ZMYM2: variants seen among roughly 807,000 people sequenced by gnomAD.
ZMYM2 encodes zinc finger MYM-type protein 2.
ZMYM2 carries 56 observed loss-of-function variants against 162.8 expected under a neutral mutation model. The ratio of observed to expected loss-of-function variants is 0.34; its 90% CI spans 0.28 to 0.43. ZMYM2 has a LOEUF of 0.43. ZMYM2 is among the 20% of genes least tolerant of loss of function. ZMYM2 has a pLI of 1.00. For synonymous variants in ZMYM2, 510 were observed against 541.6 expected (o/e 0.94, Z 0.81); for missense variants, 1,275 against 1,621.8 (o/e 0.79, Z 3.67).
chr13:19,959,682 C>T (rs867543038), intron 1 of ZMYM2, among the ~76,000 whole-genome samples: 10 of 152,116 alleles, frequency 6.6e-5, no homozygotes, highest in Non-Finnish European at 1.3e-4. Context: ...TTTTCCCTTC[C>T]CCCCTCCCTT....
the ZMYM2 span, among the ~76,000 whole-genome samples, chr13:19,942,265 G>C: frequency 6.6e-6 from 1 of 150,908 alleles, no homozygotes; most frequent in Non-Finnish European, 1.5e-5. Context: ...TAATATAGTA[G>C]GATGATCACT....
chr13:20,085,521 T>C (rs166323), intron 24 of ZMYM2, among the ~76,000 whole-genome samples: 2,513 of 152,328 alleles, frequency 0.016, 72 homozygotes, highest in African/African-American at 0.058. Flanking sequence ...TTTAAATTGT[T>C]GCATCTTGAA....
chr13:19,910,532 C>CTT, the ZMYM2 span, among the ~76,000 whole-genome samples: 87 of 143,848 alleles, frequency 6.0e-4, 7 homozygotes, highest in Non-Finnish European at 7.5e-4. Flanking sequence ...TTCTCTCTCT[C>CTT]TCTTTTTTTT....
chr13:19,996,072 C>CTGTG (rs112489110), intron 3 of ZMYM2, among the ~76,000 whole-genome samples: 3 of 151,908 alleles, frequency 2.0e-5, no homozygotes, highest in East Asian at 1.9e-4. Context: ...CCCAATTCCT[C>CTGTG]TGTGTGTGTG....
At chr13:20,049,868 A>G (rs1390019357) in intron 12 of ZMYM2, among the ~76,000 whole-genome samples, 1 of 152,048 alleles carries the variant, frequency 6.6e-6, no homozygotes. Flanking sequence ...TGAATAAAGT[A>G]TTAAGCTTCC....
the ZMYM2 span, among the ~76,000 whole-genome samples, chr13:19,905,687 T>TC: frequency 2.0e-5 from 3 of 152,278 alleles, no homozygotes; most frequent in African/African-American, 7.2e-5. Flanking sequence ...ACCCATGTTT[T>TC]CCCCTCCTTC....
intron 21 of ZMYM2, among the ~76,000 whole-genome samples, chr13:20,074,577 C>CG (rs1957349460): frequency 7.0e-6 from 1 of 143,078 alleles, no homozygotes; most frequent in Non-Finnish European, 1.5e-5. Flanking sequence ...CTTACTCTGT[C>CG]GCCCAGGCTG....
the ZMYM2 span, among the ~76,000 whole-genome samples, chr13:19,912,292 G>GTTTTTTTTT: frequency 1.3e-5 from 1 of 75,714 alleles, no homozygotes; most frequent in African/African-American, 5.2e-5. Flanking sequence ...TGTTTTTTGG[G>GTTTTTTTTT]TTTTTTTTTT....
chr13:19,891,733 C>T, the ZMYM2 span, among the ~76,000 whole-genome samples: 1 of 151,604 alleles, frequency 6.6e-6, no homozygotes, highest in Non-Finnish European at 1.5e-5. Context: ...GCTGTGATTG[C>T]ACCACTGTAC....
At chr13:20,036,208 A>T (rs1953682090) in intron 11 of ZMYM2, among the ~76,000 whole-genome samples, 2 of 152,176 alleles carry the variant, frequency 1.3e-5, no homozygotes, top group Admixed American at 1.3e-4. Flanking sequence ...TAGAAAAAAG[A>T]CATACTTCGT....
chr13:19,910,522 T>C, the ZMYM2 span, among the ~76,000 whole-genome samples: 1 of 149,774 alleles, frequency 6.7e-6, no homozygotes, highest in Non-Finnish European at 1.5e-5. Flanking sequence ...ACACCTTTCT[T>C]TCTCTCTCTC....
intron 3 of ZMYM2, among the ~76,000 whole-genome samples, chr13:19,995,547 T>C (rs1176317081): frequency 6.6e-6 from 1 of 152,028 alleles, no homozygotes; most frequent in Non-Finnish European, 1.5e-5. Flanking sequence ...CCCAGCTAAT[T>C]TTTGTATTTT....
At chr13:20,056,930 G>A (rs1219468072) in intron 14 of ZMYM2, among the ~76,000 whole-genome samples, 1 of 152,102 alleles carries the variant, frequency 6.6e-6, no homozygotes, top group African/African-American at 2.4e-5. Context: ...ACAATTTTTG[G>A]AGCCACTTTG....
intron 21 of ZMYM2, among the ~76,000 whole-genome samples, chr13:20,077,240 C>A (rs370812216): frequency 1.3e-5 from 2 of 150,548 alleles, no homozygotes; most frequent in African/African-American, 2.5e-5. Flanking sequence ...TGACAACTTA[C>A]ATTTACTGAC....
chr13:19,961,693 T>C (rs1238449887), intron 2 of ZMYM2, among the ~76,000 whole-genome samples: 2 of 152,062 alleles, frequency 1.3e-5, no homozygotes, highest in East Asian at 1.9e-4. Flanking sequence ...TGTCAACATA[T>C]GTATACTAAC....
At chr13:20,017,574 C>CT (rs1244755230) in intron 6 of ZMYM2, among the ~76,000 whole-genome samples, 2 of 148,416 alleles carry the variant, frequency 1.3e-5, no homozygotes, top group African/African-American at 4.9e-5. Context: ...ACTCTGTCCT[C>CT]TTTTTCCTTT....
intron 10 of ZMYM2, 56 bp from the exon 11 acceptor site, chr13:20,034,198 G>A (rs994270300): frequency 8.6e-6 from 4 of 466,560 alleles, no homozygotes; most frequent in Non-Finnish European, 1.3e-5. Context: ...AAAGTGGCGT[G>A]TTTATTTCTT....
At chr13:19,975,788 T>C (rs1480651992) in intron 2 of ZMYM2, among the ~76,000 whole-genome samples, 1 of 152,228 alleles carries the variant, frequency 6.6e-6, no homozygotes. Flanking sequence ...TTACCAGCAA[T>C]ACAGAAGAGT....
At chr13:20,050,357 A>C (rs1160330169) in intron 12 of ZMYM2, among the ~76,000 whole-genome samples, 1 of 152,022 alleles carries the variant, frequency 6.6e-6, no homozygotes, top group African/African-American at 2.4e-5. Context: ...CTCTTGAAAT[A>C]CAACGTGAGA....
Sources: allele counts gnomAD v4.1 joint callset (sites outside exome capture counted in the v4.1 genomes callset), GRCh38; gene constraint gnomAD v4.1.1; transcripts MANE v1.5; gene names NCBI Gene and HGNC (gene_info 2026-07-23, HGNC 2026-07-21).